The following SUFU variants were observed in gnomAD, a reference collection of about 807,000 sequenced individuals.
SUFU encodes SUFU negative regulator of hedgehog signaling.
SUFU carries 7 observed loss-of-function variants against 58.9 expected under a neutral mutation model. The observed-to-expected ratio is 0.12, with a 90% CI of 0.07 to 0.22. The LOEUF (loss-of-function observed/expected upper bound fraction) is 0.22. SUFU is among the 10% of genes least tolerant of loss of function. The probability of loss-of-function intolerance (pLI) is 1.00; values close to 1 mark genes in which losing one functional copy is unlikely to be tolerated. For missense variants in SUFU, 451 were observed against 641.3 expected (o/e 0.70, Z 3.20); for synonymous variants, 232 against 254.8 (o/e 0.91, Z 0.85).
chr10:102,525,048 T>C (rs2135678059), intron 2 of SUFU, among the ~76,000 whole-genome samples: 1 of 152,370 alleles, frequency 6.6e-6, no homozygotes, highest in South Asian at 2.1e-4. Flanking sequence ...AGAACCCTTC[T>C]GTGGGAGGAG....
intron 3 of SUFU, among the ~76,000 whole-genome samples, chr10:102,555,757 G>T (rs948473434): frequency 5.3e-5 from 8 of 151,962 alleles, no homozygotes; most frequent in African/African-American, 1.9e-4. Flanking sequence ...TCTCAGAGCA[G>T]ATCACTCAGC....
intron 3 of SUFU, among the ~76,000 whole-genome samples, chr10:102,551,717 CTTTTTTT>C (rs771685480): frequency 1.5e-5 from 1 of 68,742 alleles, no homozygotes; most frequent in African/African-American, 5.8e-5. Flanking sequence ...TATGTGCCTT[CTTTTTTT>C]TTTTTTTTTT....
chr10:102,619,467 A>C lies in SUFU; in HGVS notation c.1296+2039A>C. ...TGCTGTGCTGGGAGCTACTCAATCA[A>C]AGGCCTGTGTTATGGGCTCATTAGT... is the stretch of plus-strand genomic sequence containing the variant. On this transcript the variant is annotated intron_variant, in intron 10 of 11. Transcript: ENST00000369902. The surrounding 1 kb of genome is among the most constrained non-coding windows in gnomAD (Gnocchi z 4.2). 1.6e-6 allele frequency: 2 copies of C among 1,259,208 alleles called. No individual in the cohort carries two copies. Among genetic ancestry groups the C allele is most frequent in the Non-Finnish European group, 2.0e-6 (2 of 991,420 alleles). The allele number at this position is 1,259,208 out of a possible 1,614,324, so 78.0% of individuals were successfully genotyped here.
intron 2 of SUFU, among the ~76,000 whole-genome samples, chr10:102,510,693 T>C (rs951937970): frequency 1.3e-5 from 2 of 151,992 alleles, no homozygotes; most frequent in Non-Finnish European, 2.9e-5. Flanking sequence ...CATGGTAGCA[T>C]GTGCCTGTAC....
chr10:102,531,226 G>A (rs2062674844), intron 2 of SUFU, among the ~76,000 whole-genome samples: 1 of 152,152 alleles, frequency 6.6e-6, no homozygotes, highest in Admixed American at 6.5e-5. Context: ...CTGCACTCCA[G>A]CCTGGGCAAC....
rs10656431 is a variant in SUFU at position 102,577,080 on chromosome 10, C to CTTTTTTTTTTTTTTTTTTTTTT, written c.455-15498_455-15497insTTTTTTTTTTTTTTTTTTTTTT. On this transcript the variant is annotated intron_variant, in intron 3 of 11. Coordinates refer to ENST00000369902, the MANE Select transcript of SUFU (RefSeq NM_016169.4). ...AGTAGAAGCATGTCCTGGATTTTTT[C>CTTTTTTTTTTTTTTTTTTTTTT]TTTTCTTTTTTTTTTTTTTTTGAGA... Among the ~76,000 whole-genome samples, 2 of 97,086 alleles carry CTTTTTTTTTTTTTTTTTTTTTT rather than the reference C, an allele frequency of 2.1e-5. 1 individual carries two copies. The highest frequency in any genetic ancestry group is 7.0e-5 in the African/African-American group (2 of 28,410). 63.7% of individuals were successfully genotyped at this position (97,086 alleles called of 152,430 possible).
At chr10:102,566,891 G>A (rs1243960459) in intron 3 of SUFU, among the ~76,000 whole-genome samples, 1 of 148,018 alleles carries the variant, frequency 6.8e-6, no homozygotes, top group Non-Finnish European at 1.5e-5. Context: ...GTTGCAGTGA[G>A]CCGAGATTGT....
At chr10:102,587,048 G>A (rs975624742) in intron 3 of SUFU, among the ~76,000 whole-genome samples, 1 of 152,106 alleles carries the variant, frequency 6.6e-6, no homozygotes, top group Non-Finnish European at 1.5e-5. Flanking sequence ...CTTTTTTATG[G>A]CTGAATAGTA....
Position 102,550,094 on chromosome 10 carries a change from G to C in SUFU, c.442G>C (p.Val148Leu), listed in dbSNP as rs763813479. The change falls in exon 3 of 12, where the codon GTG (valine) becomes CTG (leucine). Residue 148 changes from valine to leucine, a missense_variant. Val to Leu is a conservative substitution (Grantham distance 32). Transcript: ENST00000369902. ...GTTAATGCAGGGCTTGGCACGATACGTGTTCCAGTCAGGTAGGAGGCCAGG... is the reference window on the plus strand; with the variant it reads ...GTTAATGCAGGGCTTGGCACGATACCTGTTCCAGTCAGGTAGGAGGCCAGG... ...AELMQGLARYVFQSENTFCSG... is the reference protein window; with the variant it reads ...AELMQGLARYLFQSENTFCSG... The C allele has an allele frequency of 6.2e-7, 1 of 1,614,166 alleles. No individual in the cohort carries two copies. Among genetic ancestry groups the C allele is most frequent in the Admixed American group, 1.7e-5 (1 of 60,016 alleles).
intron 8 of SUFU, among the ~76,000 whole-genome samples, chr10:102,610,342 G>A (rs1229920609): frequency 3.6e-5 from 5 of 138,144 alleles, no homozygotes; most frequent in South Asian, 2.3e-4. Context: ...GCAGTGAGCC[G>A]AGATCACACC....
rs2063782832 is a variant in SUFU at position 102,625,963 on chromosome 10, C to T, written c.1297-1212C>T. 1.3e-5 allele frequency among the ~76,000 whole-genome samples: 2 copies of T among 152,160 alleles called. No homozygotes were observed. The highest frequency in any genetic ancestry group is 2.1e-4 in the South Asian group (1 of 4,832). Reference sequence around the variant, plus strand: ...TGGGTATTTTTTCAAGTTCTCAATTCTCCTCCTCACAGGGAGGGTTTCCCC... The same window carrying T: ...TGGGTATTTTTTCAAGTTCTCAATTTTCCTCCTCACAGGGAGGGTTTCCCC... On this transcript the variant is annotated intron_variant, in intron 10 of 11. Transcript: ENST00000369902. This position sits in a 1 kb window ranked among gnomAD's most constrained non-coding sequence, Gnocchi z 4.7.
At chr10:102,546,283 TATCTC>T (rs1197917994) in intron 2 of SUFU, among the ~76,000 whole-genome samples, 14 of 152,082 alleles carry the variant, frequency 9.2e-5, no homozygotes, top group Admixed American at 3.3e-4. Flanking sequence ...TTGAGAGTCT[TATCTC>T]ATCCTTCCTT....
chr10:102,590,409 C>T lies in SUFU; in HGVS notation c.455-2173C>T, dbSNP rs181298506. ...CTTGAACTCCTGACCTCGTGATCCG[C>T]GTGCCTCGGCCTCCCAAAGTGCTGG... is the stretch of plus-strand genomic sequence containing the variant. On this transcript the variant is annotated intron_variant, in intron 3 of 11. Coordinates refer to ENST00000369902, the MANE Select transcript of SUFU (RefSeq NM_016169.4). Among the ~76,000 whole-genome samples, 669 of 152,190 alleles carry T rather than the reference C, an allele frequency of 4.4e-3. 7 individuals carry two copies. Among genetic ancestry groups the T allele is most frequent in the African/African-American group, 0.015 (637 of 41,536 alleles).
chr10:102,555,911 T>G lies in SUFU; in HGVS notation c.454+5805T>G, dbSNP rs74626918. Among the ~76,000 whole-genome samples, 951 of 152,344 alleles carry G rather than the reference T, an allele frequency of 6.2e-3. 10 individuals are homozygous for G. The highest frequency in any genetic ancestry group is 0.01 in the Non-Finnish European group (691 of 68,024). Reference sequence around the variant, plus strand: ...GTGTACACAGATATACCTGCCTACGTACATAGTGTTGTAATTCTGTTTGAT... The same window carrying G: ...GTGTACACAGATATACCTGCCTACGGACATAGTGTTGTAATTCTGTTTGAT... On this transcript the variant is annotated intron_variant, in intron 3 of 11. Transcript: ENST00000369902.
intron 10 of SUFU, chr10:102,618,329 G>A (rs897060766): frequency 6.6e-6 from 1 of 152,456 alleles, no homozygotes; most frequent in African/African-American, 2.4e-5. Flanking sequence ...ATGATGCTAG[G>A]TTTGTGAGTT....
At chr10:102,572,140 A>T (rs2063167896) in intron 3 of SUFU, among the ~76,000 whole-genome samples, 1 of 151,982 alleles carries the variant, frequency 6.6e-6, no homozygotes, top group South Asian at 2.1e-4. Context: ...ATCTTGGCTC[A>T]TTGCAAACTC....
intron 1 of SUFU, among the ~76,000 whole-genome samples, chr10:102,508,417 C>T (rs370123707): frequency 6.6e-6 from 1 of 152,250 alleles, no homozygotes; most frequent in South Asian, 2.1e-4. Context: ...TCCTGAGAGG[C>T]CCCAAATCAT....
At chr10:102,565,699 C>T (rs2063081644) in intron 3 of SUFU, among the ~76,000 whole-genome samples, 1 of 152,178 alleles carries the variant, frequency 6.6e-6, no homozygotes, top group South Asian at 2.1e-4. Flanking sequence ...TGCCCGCCAC[C>T]ACGCACGGCT....
intron 3 of SUFU, among the ~76,000 whole-genome samples, chr10:102,586,350 T>C (rs1392874002): frequency 6.6e-6 from 1 of 152,186 alleles, no homozygotes; most frequent in East Asian, 1.9e-4. Flanking sequence ...TTGCAAATAT[T>C]TTCTCTCATT....
Sources: gnomAD v4.1 joint callset for allele counts (sites outside exome capture counted in the v4.1 genomes callset) on GRCh38, gnomAD v4.1.1 for gene constraint, Gnocchi (gnomAD v3.1) non-coding constraint, MANE v1.5 for transcripts, NCBI Gene and HGNC (gene_info 2026-07-23, HGNC 2026-07-21) for gene names.